The following LRRC4C variants were observed in gnomAD, a reference collection of about 807,000 sequenced individuals.
The protein encoded by LRRC4C is leucine rich repeat containing 4C, also known as leucine-rich repeat-containing protein 4C.
A neutral mutation model predicts 33.6 loss-of-function variants in LRRC4C; 5 were observed. The observed-to-expected ratio is 0.15, with a 90% CI of 0.08 to 0.31. The LOEUF (loss-of-function observed/expected upper bound fraction) is 0.31, where lower values mean the gene tolerates loss of function less well. Among genes scored for constraint, LRRC4C ranks in the 10% least tolerant of loss-of-function variants. The pLI is 1.00. For synonymous variants in LRRC4C, 329 were observed against 302.0 expected (o/e 1.09, Z -0.93); for missense variants, 560 against 796.7 (o/e 0.70, Z 3.58).
intron 1 of LRRC4C, among the ~76,000 whole-genome samples, chr11:41,386,036 C>T (rs1342974796): frequency 6.6e-6 from 1 of 151,502 alleles, no homozygotes. Context: ...TATTTAATTT[C>T]CAAGTAACTA....
intron 3 of LRRC4C, among the ~76,000 whole-genome samples, chr11:40,430,829 C>G (rs1161700429): frequency 6.6e-6 from 1 of 150,712 alleles, no homozygotes; most frequent in Non-Finnish European, 1.5e-5. Context: ...TCATCATTCT[C>G]AGTAAACTAT....
intron 1 of LRRC4C, among the ~76,000 whole-genome samples, chr11:41,405,324 C>T (rs1220322661): frequency 6.6e-6 from 1 of 152,012 alleles, no homozygotes; most frequent in Admixed American, 6.5e-5. Context: ...AATAAGTATT[C>T]CCATCCAATT....
chr11:40,334,024 G>T (rs1388448018), intron 3 of LRRC4C, among the ~76,000 whole-genome samples: 1 of 152,214 alleles, frequency 6.6e-6, no homozygotes, highest in African/African-American at 2.4e-5. Flanking sequence ...TGGCTGGATG[G>T]CTTACATAAA....
intron 2 of LRRC4C, among the ~76,000 whole-genome samples, chr11:40,913,240 A>C (rs972766062): frequency 2.0e-5 from 3 of 152,206 alleles, no homozygotes; most frequent in Admixed American, 1.3e-4. Context: ...TCAACAGAAT[A>C]TACATTATTT....
intron 3 of LRRC4C, among the ~76,000 whole-genome samples, chr11:40,596,604 C>T (rs1466815452): frequency 1.3e-5 from 2 of 151,928 alleles, no homozygotes; most frequent in East Asian, 3.9e-4. Context: ...TTATCCACCC[C>T]TCCCCACTCC....
chr11:40,712,363 C>T (rs1402778245), intron 2 of LRRC4C, among the ~76,000 whole-genome samples: 1 of 152,128 alleles, frequency 6.6e-6, no homozygotes, highest in East Asian at 1.9e-4. Flanking sequence ...ATAGCTAACA[C>T]ATCCCATAGC....
intron 2 of LRRC4C, among the ~76,000 whole-genome samples, chr11:40,844,474 T>C (rs1448116831): frequency 6.6e-6 from 1 of 152,134 alleles, no homozygotes; most frequent in Non-Finnish European, 1.5e-5. Flanking sequence ...TCTCTTTCCT[T>C]TGGACATTGA....
At chr11:40,780,983 T>C (rs992059247) in intron 2 of LRRC4C, among the ~76,000 whole-genome samples, 2 of 152,206 alleles carry the variant, frequency 1.3e-5, no homozygotes, top group South Asian at 2.1e-4. Context: ...CAGCGATATG[T>C]TCTAAGAAAT....
chr11:40,153,893 G>C (rs763980884), intron 5 of LRRC4C, among the ~76,000 whole-genome samples: 3 of 152,154 alleles, frequency 2.0e-5, no homozygotes, highest in Non-Finnish European at 4.4e-5. Context: ...CCCTGGCCTA[G>C]CTAGAGAACT....
At chr11:40,744,434 T>C (rs796949776) in intron 2 of LRRC4C, among the ~76,000 whole-genome samples, 3 of 152,250 alleles carry the variant, frequency 2.0e-5, no homozygotes, top group African/African-American at 2.4e-5. Context: ...ACAGATAAGA[T>C]GGTGTGTTTG....
intron 4 of LRRC4C, among the ~76,000 whole-genome samples, chr11:40,311,128 TA>T (rs1164420569): frequency 6.6e-6 from 1 of 152,342 alleles, no homozygotes; most frequent in Admixed American, 6.5e-5. Context: ...AACTCATCCA[TA>T]AAATCTTCTG....
chr11:40,978,444 T>C (rs1158482939), intron 1 of LRRC4C, among the ~76,000 whole-genome samples: 2 of 152,182 alleles, frequency 1.3e-5, no homozygotes, highest in Non-Finnish European at 2.9e-5. Context: ...TTGATTGTCA[T>C]AAATGGTCAA....
rs1242331479 is a variant in LRRC4C, at chr11:40,658,294, C to T, written c.-406-10016G>A. On this transcript the variant is annotated intron_variant, in intron 2 of 6. Coordinates refer to ENST00000528697, the MANE Select transcript of LRRC4C (RefSeq NM_001258419.2). Reference sequence around the variant, plus strand: ...AGGCTTGACATGAAAGCTAAAAGAGCCTTATTTAAGGTTGAATCATGATGC... The same window carrying T: ...AGGCTTGACATGAAAGCTAAAAGAGTCTTATTTAAGGTTGAATCATGATGC... Among the ~76,000 whole-genome samples, 4 of 152,150 alleles carry T rather than the reference C, an allele frequency of 2.6e-5. No homozygotes were observed. The East Asian group carries it at 7.7e-4, about 29-fold the overall frequency.
intron 2 of LRRC4C, among the ~76,000 whole-genome samples, chr11:40,762,810 C>T (rs573401142): frequency 6.0e-4 from 91 of 151,656 alleles, no homozygotes; most frequent in African/African-American, 2.1e-3. Flanking sequence ...GTTTTGTCTC[C>T]TGCCTCCTCT....
chr11:40,871,343 A>G (rs1591951860), intron 2 of LRRC4C, among the ~76,000 whole-genome samples: 3 of 151,940 alleles, frequency 2.0e-5, no homozygotes, highest in Admixed American at 6.6e-5. Flanking sequence ...CACTAATAAA[A>G]TCTTGCTGGT....
intron 3 of LRRC4C, among the ~76,000 whole-genome samples, chr11:40,342,688 T>C (rs750340727): frequency 4.6e-5 from 7 of 152,158 alleles, no homozygotes; most frequent in Non-Finnish European, 7.4e-5. Flanking sequence ...TTTTGTAATG[T>C]TCTTTTTGAT....
At position 40,730,020 on chromosome 11, in the gene LRRC4C, C is replaced by T. The variant is rs187821459; in HGVS notation, c.-406-81742G>A. ...TATCACAAGAACAAAAAACCAAACACCGCATATTCTCACTCATAGGTGGGA... is the reference window on the plus strand; with the variant it reads ...TATCACAAGAACAAAAAACCAAACATCGCATATTCTCACTCATAGGTGGGA... On this transcript the variant is annotated intron_variant, in intron 2 of 6. Coordinates refer to ENST00000528697, the MANE Select transcript of LRRC4C (RefSeq NM_001258419.2). Among the ~76,000 whole-genome samples, 86 of 152,102 alleles carry T rather than the reference C, an allele frequency of 5.7e-4. No individual in the cohort carries two copies. In the Middle Eastern group the frequency reaches 0.01, roughly 18 times the overall value.
chr11:41,274,125 G>A (rs1300810841), intron 1 of LRRC4C, among the ~76,000 whole-genome samples: 1 of 152,074 alleles, frequency 6.6e-6, no homozygotes, highest in African/African-American at 2.4e-5. Flanking sequence ...GGGGTGGCTG[G>A]AGATAAGTAA....
At chr11:40,225,407 G>A (rs542473301) in intron 5 of LRRC4C, among the ~76,000 whole-genome samples, 1 of 152,230 alleles carries the variant, frequency 6.6e-6, no homozygotes, top group Admixed American at 6.5e-5. Flanking sequence ...GTCCTCATTT[G>A]GTCTCACCTT....
Sources: allele counts gnomAD v4.1 joint callset (sites outside exome capture counted in the v4.1 genomes callset), GRCh38; gene constraint gnomAD v4.1.1; transcripts MANE v1.5; gene names NCBI Gene and HGNC (gene_info 2026-07-23, HGNC 2026-07-21).